The following ATAD2 variants were observed in gnomAD, a reference collection of about 807,000 sequenced individuals.
ATAD2 encodes ATPase family AAA domain containing 2.
Under a neutral mutation model 168.9 loss-of-function variants are expected in ATAD2, and 62 were observed. That is an observed-to-expected ratio of 0.37 (90% CI 0.30 to 0.45). The LOEUF (loss-of-function observed/expected upper bound fraction) is 0.45, where lower values mean the gene tolerates loss of function less well. ATAD2 is among the 20% of genes least tolerant of loss of function. The pLI is 1.00. For missense variants in ATAD2, 1,419 were observed against 1,667.8 expected, an observed-to-expected ratio of 0.85 and a Z score of 2.60; for synonymous variants, 613 against 571.6, an observed-to-expected ratio of 1.07 and a Z score of -1.03.
intron 24 of ATAD2, among the ~76,000 whole-genome samples, chr8:123,329,981 C>CTTCTTTTTTTTTTTTTTTTTTTT (rs1827731295): frequency 1.0e-5 from 1 of 100,342 alleles, no homozygotes; most frequent in Admixed American, 1.1e-4. Context: ...CCAGTGGCTT[C>CTTCTTTTTTTTTTTTTTTTTTTT]TTTTTTTTTT....
Position 123,347,175 on chromosome 8 carries a change from T to C in ATAD2, c.2129A>G (p.Gln710Arg), listed in dbSNP as rs764507032. ...TTCTAAAATCTTGTCAACAGTGTTT[T>C]GCAGGAGTGGTTTCACAACGGTGGA... The part of the protein sequence containing the change: ...ALSTVVKPLL[Q>R]NTVDKILEAL... The change falls in exon 16 of 28, where the codon CAA (glutamine) becomes CGA (arginine). Residue 710 changes from glutamine to arginine, a missense_variant. Physicochemically the swap from Gln to Arg is conservative, Grantham distance 43. Transcript: ENST00000287394. The C allele has an allele frequency of 6.2e-7, 1 of 1,614,220 alleles. No homozygotes were observed. The highest frequency in any genetic ancestry group is 8.5e-7 in the Non-Finnish European group (1 of 1,180,032).
chr8:123,367,083 T>G, intron 8 of ATAD2, among the ~76,000 whole-genome samples: 1 of 152,168 alleles, frequency 6.6e-6, no homozygotes, highest in East Asian at 1.9e-4. Context: ...CAATTAAAAA[T>G]CTGACACCCA....
intron 13 of ATAD2, among the ~76,000 whole-genome samples, chr8:123,351,878 G>A (rs942739840): frequency 1.9e-4 from 29 of 151,928 alleles, no homozygotes; most frequent in African/African-American, 5.3e-4. Flanking sequence ...CTCCCGAGTA[G>A]CTGGGACTAC....
intron 13 of ATAD2, among the ~76,000 whole-genome samples, chr8:123,351,872 C>T (rs1015087788): frequency 6.6e-6 from 1 of 151,940 alleles, no homozygotes; most frequent in African/African-American, 2.4e-5. Flanking sequence ...CTCCACCTCC[C>T]GAGTAGCTGG....
intron 8 of ATAD2, among the ~76,000 whole-genome samples, chr8:123,363,126 A>C (rs534281824): frequency 1.3e-5 from 2 of 152,360 alleles, no homozygotes; most frequent in African/African-American, 4.8e-5. Context: ...GTCAGAGTGC[A>C]ATGATGGTAA....
chr8:123,356,532 A>T (rs1042725225), intron 12 of ATAD2, 55 bp from the exon 13 acceptor site: 2 of 1,207,860 alleles, frequency 1.7e-6, no homozygotes, highest in African/African-American at 3.1e-5. Context: ...AAACACGTAG[A>T]CTTAATATAA....
At chr8:123,389,986 T>TATATA (rs58743148) in intron 1 of ATAD2, among the ~76,000 whole-genome samples, 11,472 of 66,256 alleles carry the variant, frequency 0.17, 738 homozygotes, top group East Asian at 0.35. Flanking sequence ...ATATATATAT[T>TATATA]TTTTTTTTTT....
intron 19 of ATAD2, among the ~76,000 whole-genome samples, chr8:123,344,096 A>G (rs1464205461): frequency 6.6e-6 from 1 of 152,130 alleles, no homozygotes; most frequent in Admixed American, 6.6e-5. Flanking sequence ...AAATCCACAT[A>G]CCAGTGCTCA....
In ATAD2 at chr8:123,396,407, C is replaced by G. The variant is rs759552817; in HGVS notation, c.-50G>C. On this transcript the variant is annotated 5_prime_UTR_variant, in exon 1 of 28. Transcript: ENST00000287394. ...TGCGCGACCGGAGAGAGATCCAGCT[C>G]CAGGCGCTCGCAGCTCTGGCTCTTC... 2.3e-5 allele frequency: 34 copies of G among 1,480,784 alleles called. No homozygotes were observed. The highest frequency in any genetic ancestry group is 2.9e-5 in the Non-Finnish European group (33 of 1,118,884). 91.7% of individuals were successfully genotyped at this position (1,480,784 alleles called of 1,614,324 possible). A position where few individuals can be genotyped will look rare whatever the true frequency, so the allele number is the denominator to read the frequency against.
intron 19 of ATAD2, chr8:123,342,337 T>C (rs541796872): frequency 6.6e-6 from 1 of 152,190 alleles, no homozygotes; most frequent in Non-Finnish European, 1.5e-5. Flanking sequence ...ATACAAAGAC[T>C]TGTCATGATG....
intron 1 of ATAD2, among the ~76,000 whole-genome samples, chr8:123,395,101 CCT>C (rs1280827775): frequency 6.6e-6 from 1 of 152,176 alleles, no homozygotes; most frequent in East Asian, 1.9e-4. Flanking sequence ...ACACATTTCC[CCT>C]GAGCCTCTCA....
At chr8:123,374,036 T>A (rs1290949750) in intron 2 of ATAD2, among the ~76,000 whole-genome samples, 1 of 152,092 alleles carries the variant, frequency 6.6e-6, no homozygotes, top group Non-Finnish European at 1.5e-5. Context: ...TAATTCCTCA[T>A]CTCTCTTGGA....
chr8:123,327,747 A>C (rs1312471350), intron 25 of ATAD2, among the ~76,000 whole-genome samples: 1 of 152,192 alleles, frequency 6.6e-6, no homozygotes, highest in Non-Finnish European at 1.5e-5. Context: ...ACCTACAATA[A>C]GGGATAGAAA....
intron 24 of ATAD2, among the ~76,000 whole-genome samples, chr8:123,333,028 A>T (rs1031924505): frequency 6.6e-6 from 1 of 151,866 alleles, no homozygotes; most frequent in South Asian, 2.1e-4. Flanking sequence ...TTGCAATACA[A>T]TAGAAGGTTC....
chr8:123,346,251 C>G lies in ATAD2; in HGVS notation c.2367G>C (p.Met789Ile), dbSNP rs756716357. Residue 789 changes from methionine (M) to isoleucine (I), a missense_variant, in exon 18 of 28, where the codon ATG becomes ATC. Met to Ile is a conservative substitution (Grantham distance 10). This residue lies in a region of ATAD2 where 545 missense variants were observed against 724.9 expected (regional missense o/e 0.75). Coordinates refer to ENST00000287394, the MANE Select transcript of ATAD2 (RefSeq NM_014109.4). The part of the protein sequence containing the change: ...HLNRNACYQP[M>I]SFRPRILIVG... ...CTATCAATATTCTTGGTCGAAAAGA[C>G]ATAGGTTGGTAACAAGCATTTCTGA... The G allele has an allele frequency of 1.9e-6, 3 of 1,601,522 alleles. No individual in the cohort carries two copies. Among genetic ancestry groups the G allele is most frequent in the Non-Finnish European group, 2.6e-6 (3 of 1,176,430 alleles).
At chr8:123,350,869 C>A (rs944269521) in intron 13 of ATAD2, among the ~76,000 whole-genome samples, 12 of 151,918 alleles carry the variant, frequency 7.9e-5, no homozygotes, top group African/African-American at 2.9e-4. Flanking sequence ...GGACTACAGG[C>A]GCCCGCTACC....
At chr8:123,351,482 G>A (rs984208468) in intron 13 of ATAD2, among the ~76,000 whole-genome samples, 35 of 152,204 alleles carry the variant, frequency 2.3e-4, no homozygotes, top group African/African-American at 8.2e-4. Context: ...GTTAAAAAAC[G>A]ACAGGTCTAG....
chr8:123,408,830 CTTTT>C (rs763955875), intron 1 of ATAD2, among the ~76,000 whole-genome samples: 1 of 140,942 alleles, frequency 7.1e-6, no homozygotes. Flanking sequence ...AAGATATATT[CTTTT>C]TTTTTTTTTT....
At position 123,323,064 on chromosome 8, in the gene ATAD2, A is replaced by G. The variant is rs750220833; in HGVS notation, c.4005T>C (p.Asn1335=). ...SLVVDHERLK[N]LLKTVVKKSQ... ...TTTTTTTAACAACAGTCTTCAAAAG[A>G]TTCTAAAAGAAAATATGAGTGTCAA... Residue 1335 remains asparagine, a splice_region_variant and synonymous_variant, in exon 27 of 28, where the codon AAT becomes AAC. Transcript: ENST00000287394. The G allele has an allele frequency of 1.6e-5, 25 of 1,608,330 alleles. No homozygotes were observed. Among genetic ancestry groups the G allele is most frequent in the Non-Finnish European group, 1.9e-5 (22 of 1,176,872 alleles).
Sources: allele counts gnomAD v4.1 joint callset (sites outside exome capture counted in the v4.1 genomes callset), GRCh38; gene constraint gnomAD v4.1.1; regional missense constraint gnomAD v4.1.1; transcripts MANE v1.5; gene names NCBI Gene and HGNC (gene_info 2026-07-23, HGNC 2026-07-21).